Variants in CUBN observed in about 807,000 individuals in gnomAD.
CUBN encodes cubilin.
In CUBN, 282 loss-of-function variants were observed where a neutral mutation model predicts 405.3. That is an observed-to-expected ratio of 0.70 (90% CI 0.63 to 0.77). The LOEUF (loss-of-function observed/expected upper bound fraction) is 0.77, where lower values mean the gene tolerates loss of function less well. Among genes scored for constraint, CUBN ranks in the 30% least tolerant of loss-of-function variants. CUBN has a pLI of 0.00. For synonymous variants in CUBN, 1,684 were observed against 1,617.0 expected (o/e 1.04, Z -0.99); for missense variants, 4,514 against 4,475.2 (o/e 1.01, Z -0.25).
chr10:16,824,878 C>A lies in CUBN; in HGVS notation c.*97G>T, dbSNP rs558550720. On this transcript the variant is annotated 3_prime_UTR_variant, in exon 67 of 67. Transcript: ENST00000377833. ...AAAAACCATACAAGTTCAGCTTATT[C>A]TCTGTGGCATCAGCAGGGGTCATGT... 9 of 850,772 alleles carry A rather than the reference C, an allele frequency of 1.1e-5. No homozygotes were observed. Among genetic ancestry groups the A allele is most frequent in the Non-Finnish European group, 1.6e-5 (8 of 502,290 alleles). The allele number at this position is 850,772 out of a possible 1,614,324, so 52.7% of individuals were successfully genotyped here. A position where few individuals can be genotyped will look rare whatever the true frequency, so the allele number is the denominator to read the frequency against.
At position 16,824,616 on chromosome 10, in the gene CUBN, G is replaced by A. The variant is rs1838720200; in HGVS notation, c.*359C>T. 1 of 326,492 alleles carries A rather than the reference G, an allele frequency of 3.1e-6. No individual in the cohort carries two copies. The highest frequency in any genetic ancestry group is 2.5e-5 in the South Asian group (1 of 39,252). 20.2% of individuals were successfully genotyped at this position (326,492 alleles called of 1,614,324 possible). On this transcript the variant is annotated 3_prime_UTR_variant, in exon 67 of 67. Coordinates refer to ENST00000377833, the MANE Select transcript of CUBN (RefSeq NM_001081.4). ...GCTCACTGCAACCTCTGCCTCCTGGGTTCAAGCAATTCTCCTGCCTCAGCC... is the reference window on the plus strand; with the variant it reads ...GCTCACTGCAACCTCTGCCTCCTGGATTCAAGCAATTCTCCTGCCTCAGCC...
At chr10:17,078,783 A>G (rs192632949) in intron 17 of CUBN, among the ~76,000 whole-genome samples, 2 of 152,240 alleles carry the variant, frequency 1.3e-5, no homozygotes, top group East Asian at 3.9e-4. Flanking sequence ...GGGTTTTATC[A>G]TGTTTCCATG....
chr10:17,049,166 G>A (rs1187738200), intron 22 of CUBN, among the ~76,000 whole-genome samples: 1 of 152,172 alleles, frequency 6.6e-6, no homozygotes, highest in African/African-American at 2.4e-5. Context: ...GCAGAAAAGA[G>A]GGATAAAGAG....
At chr10:17,123,763 G>A (rs1244671307) in intron 4 of CUBN, 74 bp from the exon 5 acceptor site, 1 of 974,502 alleles carries the variant, frequency 1.0e-6, no homozygotes, top group Non-Finnish European at 1.6e-6. Flanking sequence ...CCGTGCACGT[G>A]GGATTACATT....
intron 19 of CUBN, among the ~76,000 whole-genome samples, chr10:17,070,900 T>C (rs781600253): frequency 2.6e-5 from 4 of 152,184 alleles, no homozygotes; most frequent in Admixed American, 6.5e-5. Flanking sequence ...AGTGTAATGC[T>C]GAATAGAAGT....
Position 16,903,981 on chromosome 10 carries a change from T to G in CUBN, c.8047A>C (p.Lys2683Gln), listed in dbSNP as rs1841482983. ...ERVEHIGFHA[K>Q]YSFTDCGGIQ... ...TAATTCTTACCTGTAAAGGAATACT[T>G]TGCATGGAATCCAATGTGTTCTACA... is the stretch of plus-strand genomic sequence containing the variant. Residue 2683 changes from lysine to glutamine, a missense_variant, in exon 51 of 67, where the codon AAG (lysine) becomes CAG (glutamine). By Grantham distance (53) the Lys-to-Gln change is moderately conservative. Coordinates refer to ENST00000377833, the MANE Select transcript of CUBN (RefSeq NM_001081.4). The G allele has an allele frequency of 1.2e-6, 2 of 1,610,960 alleles. No homozygotes were observed. The highest frequency in any genetic ancestry group is 2.7e-5 in the African/African-American group (2 of 74,990).
chr10:16,932,997 G>A (rs910782516), intron 40 of CUBN, 90 bp downstream of exon 40: 15 of 1,347,280 alleles, frequency 1.1e-5, no homozygotes, highest in African/African-American at 4.3e-5. Flanking sequence ...CAAACCAAAC[G>A]GATGGAGGCA....
chr10:17,072,752 C>T (rs1835768640), intron 17 of CUBN, among the ~76,000 whole-genome samples: 1 of 151,820 alleles, frequency 6.6e-6, no homozygotes, highest in South Asian at 2.1e-4. Flanking sequence ...AATATATAAG[C>T]ACAAATATAC....
chr10:17,098,000 C>G (rs1246634200), intron 14 of CUBN, among the ~76,000 whole-genome samples: 1 of 152,060 alleles, frequency 6.6e-6, no homozygotes, highest in East Asian at 1.9e-4. Context: ...ACAATGACTT[C>G]CAAACATAGG....
chr10:17,041,234 T>C lies in CUBN; in HGVS notation c.3830-14A>G. 1 of 1,609,170 alleles carries C rather than the reference T, an allele frequency of 6.2e-7. No homozygotes were observed. Among genetic ancestry groups the C allele is most frequent in the South Asian group, 1.1e-5 (1 of 91,002 alleles). On this transcript the variant is annotated splice_polypyrimidine_tract_variant and intron_variant, in intron 26 of 66. Coordinates refer to ENST00000377833, the MANE Select transcript of CUBN (RefSeq NM_001081.4). ...CATTCTCACATGCTGGAAAAAGAAA[T>C]GACTGTTAAGAACCACTATTATATA...
At chr10:16,858,554 T>G (rs1839928831) in intron 59 of CUBN, among the ~76,000 whole-genome samples, 1 of 150,058 alleles carries the variant, frequency 6.7e-6, no homozygotes, top group Admixed American at 6.6e-5. Context: ...ACTCCTGGCC[T>G]CAAGGGATCC....
intron 48 of CUBN, among the ~76,000 whole-genome samples, chr10:16,911,384 C>T (rs1385147973): frequency 6.6e-6 from 1 of 151,996 alleles, no homozygotes; most frequent in African/African-American, 2.4e-5. Context: ...CATTGCATAC[C>T]CCATGTGTGT....
intron 6 of CUBN, chr10:17,122,285 T>G: frequency 4.6e-6 from 1 of 219,666 alleles, no homozygotes; most frequent in Non-Finnish European, 9.2e-6. Context: ...TCAGAGAGAG[T>G]TACTTCATTC....
At chr10:17,099,698 A>G (rs1836453929) in intron 14 of CUBN, among the ~76,000 whole-genome samples, 1 of 151,970 alleles carries the variant, frequency 6.6e-6, no homozygotes, top group Non-Finnish European at 1.5e-5. Context: ...AAAACACACA[A>G]AACATTAGCC....
At chr10:16,873,260 A>C (rs956265441) in intron 58 of CUBN, among the ~76,000 whole-genome samples, 5 of 152,134 alleles carry the variant, frequency 3.3e-5, no homozygotes, top group Non-Finnish European at 7.4e-5. Context: ...AACAGTCTTG[A>C]ACTTTATCAT....
At position 16,899,096 on chromosome 10, in the gene CUBN, C is replaced by T. The variant is rs778949688; in HGVS notation, c.8498G>A (p.Trp2833Ter). The change falls in exon 54 of 67, where the codon TGG becomes TAG. Residue 2833 changes from tryptophan (W) to a stop codon, truncating the protein, a stop_gained. Coordinates refer to ENST00000377833, the MANE Select transcript of CUBN (RefSeq NM_001081.4). LOFTEE classifies it high-confidence loss of function. The part of the protein sequence containing the change: ...QNFPENSRCS[W>*]TAITHKSKHL... ...TTTACTTTTGTGAGTAATGGCCGTC[C>T]AGGAACATCTGCTGTTTTCGGGAAA... 1.2e-6 allele frequency: 2 copies of T among 1,613,620 alleles called. No homozygotes were observed. The highest frequency in any genetic ancestry group is 1.7e-6 in the Non-Finnish European group (2 of 1,179,538).
intron 39 of CUBN, among the ~76,000 whole-genome samples, chr10:16,934,875 G>A (rs528051221): frequency 2.6e-5 from 4 of 152,300 alleles, no homozygotes; most frequent in Middle Eastern, 3.4e-3. Context: ...CAGTTAACAC[G>A]AGAGGAACAT....
chr10:17,027,492 TA>T (rs1321005177), intron 27 of CUBN, among the ~76,000 whole-genome samples: 1 of 152,184 alleles, frequency 6.6e-6, no homozygotes, highest in Non-Finnish European at 1.5e-5. Flanking sequence ...GTAATAATGA[TA>T]TACTTTAGGA....
At chr10:16,948,092 C>T (rs1842832833) in intron 35 of CUBN, among the ~76,000 whole-genome samples, 1 of 152,112 alleles carries the variant, frequency 6.6e-6, no homozygotes, top group South Asian at 2.1e-4. Context: ...GCCTGTAATC[C>T]CAGCTACTCA....
Sources: gnomAD v4.1 joint callset for allele counts (sites outside exome capture counted in the v4.1 genomes callset) on GRCh38, gnomAD v4.1.1 for gene constraint, MANE v1.5 for transcripts, NCBI Gene and HGNC (gene_info 2026-07-23, HGNC 2026-07-21) for gene names.